The following FRMD4A variants were observed in gnomAD, a reference collection of about 807,000 sequenced individuals.
The protein encoded by FRMD4A is FERM domain containing 4A.
In FRMD4A, 29 loss-of-function variants were observed where a neutral mutation model predicts 129.1. That is an observed-to-expected ratio of 0.22 (90% confidence interval 0.17 to 0.31). The LOEUF (loss-of-function observed/expected upper bound fraction) is 0.31. FRMD4A is among the 10% of genes least tolerant of loss of function. The pLI, the probability that FRMD4A is intolerant of heterozygous loss-of-function variation, is 1.00. For missense variants in FRMD4A, 1,272 were observed against 1,375.8 expected (o/e 0.92, Z 1.19); for synonymous variants, 634 against 571.6 (o/e 1.11, Z -1.56).
At chr10:13,855,449 C>G (rs567432795) in intron 3 of FRMD4A, among the ~76,000 whole-genome samples, 37 of 152,232 alleles carry the variant, frequency 2.4e-4, no homozygotes, top group Non-Finnish European at 4.7e-4. Flanking sequence ...AGTCAGCCAC[C>G]CTCATGCACA....
At chr10:13,752,015 C>CA (rs2091650590) in intron 8 of FRMD4A, among the ~76,000 whole-genome samples, 1 of 152,040 alleles carries the variant, frequency 6.6e-6, no homozygotes, top group Non-Finnish European at 1.5e-5. Context: ...GACCCTGTCT[C>CA]AAAAACCAAA....
Position 13,740,469 on chromosome 10 carries a change from A to G in FRMD4A, c.614+43T>C, listed in dbSNP as rs373524367. 238 of 1,147,310 alleles carry G rather than the reference A, an allele frequency of 2.1e-4. No homozygotes were observed. In the South Asian group the frequency reaches 2.3e-3, roughly 11 times the overall value. The allele number at this position is 1,147,310 out of a possible 1,614,324, so 71.1% of individuals were successfully genotyped here. A position where few individuals can be genotyped will look rare whatever the true frequency, so the allele number is the denominator to read the frequency against. ...ATCCTGACATACGATATATTAACAC[A>G]CACAAACACTGTCCCCATGTGAGCT... On this transcript the variant is annotated intron_variant, in intron 10 of 24. Transcript: ENST00000357447.
intron 2 of FRMD4A, among the ~76,000 whole-genome samples, chr10:14,027,965 G>A (rs993562956): frequency 3.3e-5 from 5 of 152,044 alleles, no homozygotes; most frequent in African/African-American, 1.2e-4. Flanking sequence ...GTACCAGGGA[G>A]GAAGTAGAAC....
chr10:13,804,735 T>G (rs1257980345), intron 4 of FRMD4A, among the ~76,000 whole-genome samples: 1 of 148,706 alleles, frequency 6.7e-6, no homozygotes, highest in Admixed American at 6.7e-5. Context: ...TTTTTTTGTA[T>G]TTTTAGTAGA....
chr10:14,036,968 T>C (rs1161425902), intron 2 of FRMD4A, among the ~76,000 whole-genome samples: 1 of 152,206 alleles, frequency 6.6e-6, no homozygotes, highest in African/African-American at 2.4e-5. Context: ...GTAGGTAATA[T>C]ATGCAGATGA....
intron 2 of FRMD4A, among the ~76,000 whole-genome samples, chr10:14,243,407 G>C (rs1028917165): frequency 3.3e-5 from 5 of 152,160 alleles, no homozygotes; most frequent in African/African-American, 1.2e-4. Flanking sequence ...AGATGTGCCT[G>C]CTTCCCCTTC....
intron 2 of FRMD4A, among the ~76,000 whole-genome samples, chr10:13,952,779 T>C (rs1184923629): frequency 6.6e-6 from 1 of 152,168 alleles, no homozygotes; most frequent in African/African-American, 2.4e-5. Context: ...CTGCAGCCTC[T>C]GCCTTCCAGG....
intron 2 of FRMD4A, among the ~76,000 whole-genome samples, chr10:13,914,282 AT>A (rs1205634850): frequency 6.6e-6 from 1 of 152,222 alleles, no homozygotes; most frequent in Non-Finnish European, 1.5e-5. Context: ...CAGACTTCTA[AT>A]GGGTAAAATA....
Position 14,330,002 on chromosome 10 carries a change from G to T in FRMD4A, c.45+56C>A, listed in dbSNP as rs1843451622. On this transcript the variant is annotated intron_variant, in intron 2 of 24. Coordinates refer to ENST00000357447, the MANE Select transcript of FRMD4A (RefSeq NM_018027.5). ...TGCAGCGGCAGCAGCAGCCCACGGT[G>T]CAGGGGAGGCTGGAGTGGACGCTGC... 4.0e-6 allele frequency: 6 copies of T among 1,501,376 alleles called. No individual in the cohort carries two copies. The Admixed American group carries it at 5.9e-5, about 15-fold the overall frequency. 93.0% of individuals were successfully genotyped at this position (1,501,376 alleles called of 1,614,324 possible). A position where few individuals can be genotyped will look rare whatever the true frequency, so the allele number is the denominator to read the frequency against.
chr10:14,097,382 T>C (rs944093835), intron 2 of FRMD4A, among the ~76,000 whole-genome samples: 2 of 152,264 alleles, frequency 1.3e-5, no homozygotes, highest in East Asian at 3.9e-4. Context: ...ATTATTGTGA[T>C]GATAATAAAG....
chr10:13,750,174 C>T (rs1164075247), intron 8 of FRMD4A, among the ~76,000 whole-genome samples: 1 of 132,178 alleles, frequency 7.6e-6, no homozygotes. Context: ...AGACAATGAC[C>T]ATGACCAGTG....
At chr10:13,747,001 A>C (rs2091325538) in intron 9 of FRMD4A, among the ~76,000 whole-genome samples, 1 of 151,960 alleles carries the variant, frequency 6.6e-6, no homozygotes, top group African/African-American at 2.4e-5. Flanking sequence ...TAAAACAATC[A>C]ATCTCCCTCT....
intron 2 of FRMD4A, among the ~76,000 whole-genome samples, chr10:14,238,775 T>C (rs578198774): frequency 6.6e-6 from 1 of 152,248 alleles, no homozygotes; most frequent in South Asian, 2.1e-4. Context: ...TGAGTAATAA[T>C]ATGTGGTGTT....
At chr10:14,166,102 T>C (rs917811194) in intron 2 of FRMD4A, among the ~76,000 whole-genome samples, 2 of 151,224 alleles carry the variant, frequency 1.3e-5, no homozygotes, top group African/African-American at 4.8e-5. Flanking sequence ...ATATATTTGA[T>C]AACTAATATA....
intron 2 of FRMD4A, among the ~76,000 whole-genome samples, chr10:14,311,247 T>C (rs1442870350): frequency 1.3e-5 from 2 of 152,166 alleles, no homozygotes; most frequent in East Asian, 1.9e-4. Context: ...CAGTCCCTAA[T>C]TGAAGAAGAG....
chr10:14,018,156 C>T (rs1229207350), intron 2 of FRMD4A, among the ~76,000 whole-genome samples: 1 of 151,964 alleles, frequency 6.6e-6, no homozygotes, highest in Non-Finnish European at 1.5e-5. Context: ...TAAGAAATGA[C>T]ATTAAGGCAG....
At chr10:13,877,253 C>T (rs1230004723) in intron 2 of FRMD4A, among the ~76,000 whole-genome samples, 8 of 152,180 alleles carry the variant, frequency 5.3e-5, no homozygotes, top group African/African-American at 1.7e-4. Context: ...TTAGTATGTC[C>T]TGCCAGGCCA....
chr10:13,914,483 C>T (rs184571069), intron 2 of FRMD4A, among the ~76,000 whole-genome samples: 192 of 152,258 alleles, frequency 1.3e-3, no homozygotes, highest in Admixed American at 2.4e-3. Context: ...CTAATAAGAG[C>T]TTCATTGATC....
intron 3 of FRMD4A, among the ~76,000 whole-genome samples, chr10:13,829,892 C>G (rs2093762584): frequency 6.6e-6 from 1 of 152,170 alleles, no homozygotes; most frequent in Non-Finnish European, 1.5e-5. Flanking sequence ...GGGGGCCTGG[C>G]CAGGCCACTG....
Sources: allele counts gnomAD v4.1 joint callset (sites outside exome capture counted in the v4.1 genomes callset), GRCh38; gene constraint gnomAD v4.1.1; transcripts MANE v1.5; gene names NCBI Gene and HGNC (gene_info 2026-07-23, HGNC 2026-07-21).